Variants in RGS7BP observed in about 807,000 individuals in gnomAD.
RGS7BP encodes the protein regulator of G protein signaling 7-binding protein.
In RGS7BP, 9 loss-of-function variants were observed where a neutral mutation model predicts 31.3. That is an observed-to-expected ratio of 0.29 (90% CI 0.17 to 0.50). The LOEUF (loss-of-function observed/expected upper bound fraction) is 0.50, where lower values mean the gene tolerates loss of function less well. Ranked by LOEUF, RGS7BP falls within the 20% of genes least tolerant of loss-of-function variation. The pLI is 0.98. For synonymous variants in RGS7BP, 115 were observed against 120.1 expected (o/e 0.96, Z 0.28); for missense variants, 274 against 322.0 (o/e 0.85, Z 1.14).
At chr5:64,591,480 G>T (rs561888613) in intron 3 of RGS7BP, among the ~76,000 whole-genome samples, 5 of 152,154 alleles carry the variant, frequency 3.3e-5, no homozygotes, top group African/African-American at 1.2e-4. Context: ...AATATGAAGT[G>T]CTGGGAAAGG....
At chr5:64,568,455 T>C (rs1047730355) in intron 2 of RGS7BP, among the ~76,000 whole-genome samples, 1 of 152,198 alleles carries the variant, frequency 6.6e-6, no homozygotes, top group African/African-American at 2.4e-5. Context: ...TAAAGACATT[T>C]TATTTTAAAG....
intron 3 of RGS7BP, among the ~76,000 whole-genome samples, chr5:64,594,064 G>C (rs996296254): frequency 2.0e-5 from 3 of 152,194 alleles, no homozygotes; most frequent in African/African-American, 7.2e-5. Context: ...TGGGTAGGTA[G>C]TGCATTGCTG....
At chr5:64,509,771 T>A (rs1307273294) in intron 2 of RGS7BP, among the ~76,000 whole-genome samples, 1 of 152,166 alleles carries the variant, frequency 6.6e-6, no homozygotes, top group Admixed American at 6.5e-5. Flanking sequence ...ATGGGGGCAG[T>A]TTTATAAGAA....
intron 2 of RGS7BP, among the ~76,000 whole-genome samples, chr5:64,508,270 C>G (rs987327536): frequency 2.0e-5 from 3 of 152,146 alleles, no homozygotes; most frequent in African/African-American, 2.4e-5. Context: ...AAAACTCTTT[C>G]CCAAATCCCA....
intron 1 of RGS7BP, 41 bp from the exon 2 acceptor site, chr5:64,507,670 G>T (rs757471348): frequency 1.4e-5 from 21 of 1,535,050 alleles, no homozygotes; most frequent in African/African-American, 2.8e-5. Flanking sequence ...TTTCTGATGA[G>T]AAATGTTTGG....
intron 2 of RGS7BP, among the ~76,000 whole-genome samples, chr5:64,573,968 T>C (rs1742359955): frequency 6.6e-6 from 1 of 152,102 alleles, no homozygotes; most frequent in Non-Finnish European, 1.5e-5. Flanking sequence ...TATCTGCCTA[T>C]GAGCCACCAG....
intron 2 of RGS7BP, among the ~76,000 whole-genome samples, chr5:64,509,048 T>C (rs1312718234): frequency 1.3e-5 from 2 of 152,230 alleles, no homozygotes; most frequent in East Asian, 3.8e-4. Context: ...ATATTTTATT[T>C]AGTAAAAATA....
chr5:64,540,788 A>G (rs974717936), intron 2 of RGS7BP, among the ~76,000 whole-genome samples: 1 of 152,180 alleles, frequency 6.6e-6, no homozygotes, highest in Non-Finnish European at 1.5e-5. Context: ...GACACTTGTG[A>G]AAGAACAGGC....
chr5:64,518,207 T>C (rs1223218325), intron 2 of RGS7BP, among the ~76,000 whole-genome samples: 1 of 152,158 alleles, frequency 6.6e-6, no homozygotes, highest in African/African-American at 2.4e-5. Context: ...CTTTTCATCA[T>C]ATATAACAGT....
At chr5:64,563,243 T>G (rs568515378) in intron 2 of RGS7BP, among the ~76,000 whole-genome samples, 2 of 152,284 alleles carry the variant, frequency 1.3e-5, no homozygotes, top group African/African-American at 4.8e-5. Flanking sequence ...ATTTATACTT[T>G]GAGCCTGGAC....
At chr5:64,542,426 A>G (rs1486869979) in intron 2 of RGS7BP, among the ~76,000 whole-genome samples, 1 of 152,236 alleles carries the variant, frequency 6.6e-6, no homozygotes, top group African/African-American at 2.4e-5. Context: ...TAGATTAAAA[A>G]TGCTTACAGG....
At chr5:64,600,094 G>T (rs1561350294) in intron 5 of RGS7BP, among the ~76,000 whole-genome samples, 1 of 152,138 alleles carries the variant, frequency 6.6e-6, no homozygotes, top group Non-Finnish European at 1.5e-5. Flanking sequence ...TATATGTCAG[G>T]CTGGTCTTGA....
chr5:64,570,937 T>C (rs1742287773), intron 2 of RGS7BP, among the ~76,000 whole-genome samples: 1 of 152,152 alleles, frequency 6.6e-6, no homozygotes, highest in Non-Finnish European at 1.5e-5. Context: ...CAATATTTGC[T>C]TTTGGGTTTT....
chr5:64,514,796 G>T (rs73109041), intron 2 of RGS7BP, among the ~76,000 whole-genome samples: 5,417 of 152,118 alleles, frequency 0.036, 255 homozygotes, highest in African/African-American at 0.11. Flanking sequence ...GTTGCTTAAG[G>T]ACCATAAGCA....
chr5:64,581,110 A>G (rs1421014266), intron 3 of RGS7BP, among the ~76,000 whole-genome samples: 1 of 152,130 alleles, frequency 6.6e-6, no homozygotes, highest in Non-Finnish European at 1.5e-5. Flanking sequence ...GCTACTTGGG[A>G]GGCTGAGGTG....
chr5:64,594,487 C>T (rs1215020309), intron 3 of RGS7BP, among the ~76,000 whole-genome samples: 1 of 152,122 alleles, frequency 6.6e-6, no homozygotes, highest in Non-Finnish European at 1.5e-5. Context: ...TTGCATTGAC[C>T]TCAAACTGTC....
chr5:64,605,852 T>C (rs775525452), intron 5 of RGS7BP, among the ~76,000 whole-genome samples: 1 of 151,060 alleles, frequency 6.6e-6, no homozygotes, highest in Non-Finnish European at 1.5e-5. Flanking sequence ...AATATATGTG[T>C]ATATGTGGGT....
intron 2 of RGS7BP, among the ~76,000 whole-genome samples, chr5:64,517,674 A>T (rs1749011112): frequency 6.6e-6 from 1 of 152,226 alleles, no homozygotes; most frequent in Admixed American, 6.5e-5. Flanking sequence ...AACAGGGGAA[A>T]GCGTCCAGAA....
chr5:64,583,097 G>A (rs1385429727), intron 3 of RGS7BP, among the ~76,000 whole-genome samples: 1 of 152,172 alleles, frequency 6.6e-6, no homozygotes, highest in Non-Finnish European at 1.5e-5. Flanking sequence ...GATTAAGACT[G>A]AAGAGGTAGG....
Sources: allele counts gnomAD v4.1 joint callset (sites outside exome capture counted in the v4.1 genomes callset), GRCh38; gene constraint gnomAD v4.1.1; transcripts MANE v1.5; gene names NCBI Gene and HGNC (gene_info 2026-07-23, HGNC 2026-07-21).